The following LRRC37A2 variants were observed in gnomAD, a reference collection of about 807,000 sequenced individuals.
The protein encoded by LRRC37A2 is leucine rich repeat containing 37 member A2, also known as leucine-rich repeat-containing protein 37A2.
Under a neutral mutation model 68.8 loss-of-function variants are expected in LRRC37A2, and 9 were observed. The observed-to-expected ratio is 0.13, with a 90% CI of 0.08 to 0.23. LRRC37A2 has a LOEUF of 0.23. LRRC37A2 is among the 10% of genes least tolerant of loss of function. The pLI is 1.00. For synonymous variants in LRRC37A2, 63 were observed against 367.6 expected (o/e 0.17, Z 9.48); for missense variants, 168 against 950.4 (o/e 0.18, Z 10.82).
the LRRC37A2 span, among the ~76,000 whole-genome samples, chr17:46,947,862 G>A: frequency 5.9e-3 from 896 of 152,296 alleles, 12 homozygotes; most frequent in African/African-American, 0.021. Flanking sequence ...TCCGCCTCCC[G>A]GGTTCAAGCG....
the LRRC37A2 span, chr17:46,940,834 C>G: frequency 6.9e-7 from 1 of 1,458,506 alleles, no homozygotes. Flanking sequence ...TGGACAGCAG[C>G]CAGTGTGTCT....
chr17:46,919,990 G>A, the LRRC37A2 span, among the ~76,000 whole-genome samples: 87,970 of 151,962 alleles, frequency 0.58, 25,580 homozygotes, highest in Non-Finnish European at 0.62. Context: ...CTATGATCTC[G>A]TTCTAACCTT....
chr17:46,939,016 T>A, the LRRC37A2 span: 8 of 1,324,350 alleles, frequency 6.0e-6, no homozygotes, highest in Non-Finnish European at 7.8e-6. Flanking sequence ...TCACTCTCGC[T>A]CTCACTGGGG....
the LRRC37A2 span, among the ~76,000 whole-genome samples, chr17:46,816,362 GCCCA>G: frequency 6.6e-6 from 1 of 151,332 alleles, no homozygotes. Context: ...CCCCCAACAC[GCCCA>G]CACGATTTCA....
At chr17:46,832,050 C>T in the LRRC37A2 span, among the ~76,000 whole-genome samples, 4 of 152,172 alleles carry the variant, frequency 2.6e-5, no homozygotes, top group Admixed American at 6.5e-5. Context: ...GTGAGGCCCG[C>T]GTGGTTTTGG....
the LRRC37A2 span, among the ~76,000 whole-genome samples, chr17:46,868,576 A>G: frequency 6.6e-6 from 1 of 152,188 alleles, no homozygotes; most frequent in Non-Finnish European, 1.5e-5. Flanking sequence ...AGCCTGGGTG[A>G]TGGAGTGAGA....
At chr17:46,877,524 G>A in the LRRC37A2 span, among the ~76,000 whole-genome samples, 2 of 152,216 alleles carry the variant, frequency 1.3e-5, no homozygotes, top group Non-Finnish European at 2.9e-5. Context: ...CAGTGCACCT[G>A]AGGTTGAACA....
At chr17:46,939,481 A>G in the LRRC37A2 span, 92 of 986,580 alleles carry the variant, frequency 9.3e-5, no homozygotes, top group Non-Finnish European at 1.1e-4. Flanking sequence ...CTAGTTGTTA[A>G]TAGAGTGGTT....
chr17:46,855,693 C>A, the LRRC37A2 span, among the ~76,000 whole-genome samples: 1 of 152,174 alleles, frequency 6.6e-6, no homozygotes, highest in Non-Finnish European at 1.5e-5. Context: ...GTTACCCAAT[C>A]CAGTCTATTT....
the LRRC37A2 span, among the ~76,000 whole-genome samples, chr17:46,846,283 C>T: frequency 6.6e-6 from 1 of 152,190 alleles, no homozygotes; most frequent in Admixed American, 6.5e-5. Flanking sequence ...TCTGACCTTC[C>T]ACAGTCCAAT....
chr17:46,789,297 A>G, the LRRC37A2 span, among the ~76,000 whole-genome samples: 1 of 152,186 alleles, frequency 6.6e-6, no homozygotes, highest in Admixed American at 6.5e-5. Context: ...TATGCTCTTC[A>G]GAAAACCAAG....
chr17:46,896,995 G>C, the LRRC37A2 span, among the ~76,000 whole-genome samples: 4,066 of 152,254 alleles, frequency 0.027, 92 homozygotes, highest in African/African-American at 0.06. Context: ...ACTCTCCCAC[G>C]TTCCTGAGGG....
chr17:46,529,708 G>C (rs969389945), intron 6 of LRRC37A2, among the ~76,000 whole-genome samples: 2 of 75,938 alleles, frequency 2.6e-5, no homozygotes, highest in African/African-American at 7.5e-5. Context: ...ATATCATTTG[G>C]TTTGTGGAAA....
chr17:46,718,261 A>C, the LRRC37A2 span, among the ~76,000 whole-genome samples: 1 of 152,192 alleles, frequency 6.6e-6, no homozygotes, highest in African/African-American at 2.4e-5. Context: ...GTCATGCCAC[A>C]GACTGGCCCT....
the LRRC37A2 span, among the ~76,000 whole-genome samples, chr17:46,747,419 G>C: frequency 4.0e-5 from 6 of 151,896 alleles, no homozygotes; most frequent in Admixed American, 3.9e-4. Flanking sequence ...TACCTGGGAC[G>C]ACAGGCATTT....
intron 6 of LRRC37A2, among the ~76,000 whole-genome samples, chr17:46,525,602 T>TATC (rs1555641483): frequency 3.9e-5 from 4 of 103,262 alleles, no homozygotes; most frequent in Non-Finnish European, 6.3e-5. Flanking sequence ...ATAATAATAA[T>TATC]ATAATAATAA....
the LRRC37A2 span, among the ~76,000 whole-genome samples, chr17:46,717,087 C>T: frequency 6.6e-6 from 1 of 152,066 alleles, no homozygotes; most frequent in Non-Finnish European, 1.5e-5. Context: ...ATGGAATCAA[C>T]CTGAATGTCC....
At chr17:46,896,218 C>T in the LRRC37A2 span, among the ~76,000 whole-genome samples, 8 of 151,560 alleles carry the variant, frequency 5.3e-5, no homozygotes, top group Admixed American at 6.6e-5. Context: ...CACTTGAACC[C>T]GGGAGACGGA....
At chr17:46,724,439 T>A in the LRRC37A2 span, among the ~76,000 whole-genome samples, 1 of 152,214 alleles carries the variant, frequency 6.6e-6, no homozygotes, top group African/African-American at 2.4e-5. Context: ...GATTCCATGA[T>A]AGCCAAGGCA....
Sources: allele counts gnomAD v4.1 joint callset (sites outside exome capture counted in the v4.1 genomes callset), GRCh38; gene constraint gnomAD v4.1.1; transcripts MANE v1.5; gene names NCBI Gene and HGNC (gene_info 2026-07-23, HGNC 2026-07-21).